TBC1D32: variants seen among roughly 807,000 people sequenced by gnomAD.
The protein encoded by TBC1D32 is TBC1 domain family member 32, also known as protein broad-minded.
In TBC1D32, 151 loss-of-function variants were observed where a neutral mutation model predicts 170.3. The observed-to-expected ratio is 0.89, with a 90% CI of 0.78 to 1.01. The LOEUF (loss-of-function observed/expected upper bound fraction) is 1.01, where lower values mean the gene tolerates loss of function less well. Among genes scored for constraint, TBC1D32 ranks in the 50% least tolerant of loss-of-function variants. TBC1D32 has a pLI of 0.00. For synonymous variants in TBC1D32, 498 were observed against 488.0 expected (o/e 1.02, Z -0.27); for missense variants, 1,464 against 1,457.1 (o/e 1.00, Z -0.08).
intron 22 of TBC1D32, among the ~76,000 whole-genome samples, chr6:121,192,730 G>C (rs1442536970): frequency 1.3e-5 from 2 of 151,970 alleles, no homozygotes; most frequent in Admixed American, 1.3e-4. Flanking sequence ...TGAAGCTGAG[G>C]ACACTGAGTT....
At position 121,308,092 on chromosome 6, in the gene TBC1D32, C is replaced by T. The variant is rs777862010; in HGVS notation, c.574G>A (p.Glu192Lys). The change falls in exon 5 of 32, where the codon GAA becomes AAA. Residue 192 changes from glutamate to lysine, a missense_variant. Physicochemically the swap from Glu to Lys is moderately conservative, Grantham distance 56 (BLOSUM62 1). Transcript: ENST00000398212. ...DPGQPKEVRYEALQTLCSAPP... is the reference protein window; with the variant it reads ...DPGQPKEVRYKALQTLCSAPP... ...GCTGAACATAATGTTTGCAAGGCTT[C>T]ATATCTCACCTACAATTTTTTTAAA... 6.2e-7 allele frequency: 1 copy of T among 1,609,734 alleles called. No individual in the cohort carries two copies. Among genetic ancestry groups the T allele is most frequent in the Non-Finnish European group, 8.5e-7 (1 of 1,179,038 alleles).
intron 1 of TBC1D32, among the ~76,000 whole-genome samples, chr6:121,323,156 C>G (rs1389565380): frequency 2.6e-5 from 4 of 152,170 alleles, no homozygotes; most frequent in Non-Finnish European, 4.4e-5. Context: ...CCCATCCACT[C>G]AATCATATCC....
intron 20 of TBC1D32, among the ~76,000 whole-genome samples, chr6:121,234,758 T>C (rs1796133744): frequency 6.6e-6 from 1 of 152,156 alleles, no homozygotes; most frequent in Non-Finnish European, 1.5e-5. Context: ...GCTGATGAGC[T>C]GGTATGATCA....
intron 21 of TBC1D32, among the ~76,000 whole-genome samples, chr6:121,212,748 A>G (rs2892766): frequency 0.68 from 104,013 of 152,034 alleles, 40,756 homozygotes; most frequent in Non-Finnish European, 0.87. Flanking sequence ...GGTGTGAGCC[A>G]CCGCACCCAG....
At chr6:121,313,274 A>AT (rs1164149264) in intron 3 of TBC1D32, among the ~76,000 whole-genome samples, 6,177 of 125,492 alleles carry the variant, frequency 0.049, 268 homozygotes, top group African/African-American at 0.076. Context: ...CCTGGCCTTA[A>AT]TTTTTTTTTT....
At position 121,280,811 on chromosome 6, in the gene TBC1D32, G is replaced by A. The variant is rs76445765; in HGVS notation, c.1608+733C>T. Reference sequence around the variant, plus strand: ...AAAGCATGTGACAGCCCATTGATGGGTGAACATAAGAGGAAGATGAAAACA... The same window carrying A: ...AAAGCATGTGACAGCCCATTGATGGATGAACATAAGAGGAAGATGAAAACA... On this transcript the variant is annotated intron_variant, in intron 14 of 31. Transcript: ENST00000398212. Among the ~76,000 whole-genome samples, 102 of 151,858 alleles carry A rather than the reference G, an allele frequency of 6.7e-4. No homozygotes were observed. In the East Asian group the frequency reaches 0.012, roughly 18 times the overall value.
intron 22 of TBC1D32, among the ~76,000 whole-genome samples, chr6:121,200,223 TTAAC>T (rs1216032311): frequency 6.6e-6 from 1 of 151,382 alleles, no homozygotes; most frequent in South Asian, 2.1e-4. Flanking sequence ...TAATATATAT[TTAAC>T]TAAGAGTTAC....
chr6:121,162,384 T>C (rs561450071), intron 22 of TBC1D32, among the ~76,000 whole-genome samples: 20 of 152,254 alleles, frequency 1.3e-4, no homozygotes, highest in African/African-American at 4.8e-4. Context: ...GTATACAATG[T>C]AACTGAAGGA....
At chr6:121,175,036 A>T (rs971631609) in intron 22 of TBC1D32, among the ~76,000 whole-genome samples, 1 of 151,710 alleles carries the variant, frequency 6.6e-6, no homozygotes, top group Non-Finnish European at 1.5e-5. Context: ...AAAAAAAAAA[A>T]AACTGATAAG....
chr6:121,161,802 G>A (rs553835780), intron 22 of TBC1D32, among the ~76,000 whole-genome samples: 2 of 152,192 alleles, frequency 1.3e-5, no homozygotes, highest in Non-Finnish European at 2.9e-5. Flanking sequence ...ACTCCCAACA[G>A]TGTAAAAGCA....
intron 25 of TBC1D32, 80 bp from the exon 26 acceptor site, chr6:121,126,541 T>A: frequency 2.0e-6 from 2 of 1,005,778 alleles, no homozygotes; most frequent in Non-Finnish European, 3.0e-6. Flanking sequence ...ACAGAACTAG[T>A]AGGTAAAAGT....
At chr6:121,099,577 G>C (rs1361961857) in intron 30 of TBC1D32, among the ~76,000 whole-genome samples, 1 of 151,838 alleles carries the variant, frequency 6.6e-6, no homozygotes, top group East Asian at 1.9e-4. Context: ...AAAAAGCACT[G>C]CTTCTAATTA....
intron 22 of TBC1D32, among the ~76,000 whole-genome samples, chr6:121,185,031 T>G (rs953103640): frequency 6.6e-6 from 1 of 151,154 alleles, no homozygotes; most frequent in Non-Finnish European, 1.5e-5. Flanking sequence ...CCACCAATCT[T>G]CTCATACTAT....
chr6:121,213,168 C>G (rs1353555077), intron 21 of TBC1D32, among the ~76,000 whole-genome samples: 1 of 152,104 alleles, frequency 6.6e-6, no homozygotes, highest in Non-Finnish European at 1.5e-5. Flanking sequence ...CTCACCATCT[C>G]TATTCAACAT....
chr6:121,115,476 C>T (rs1022217807), intron 26 of TBC1D32: 9 of 346,968 alleles, frequency 2.6e-5, no homozygotes, highest in African/African-American at 1.7e-4. Context: ...AAATACATAA[C>T]AATAGTAGTT....
intron 21 of TBC1D32, among the ~76,000 whole-genome samples, chr6:121,208,157 T>G (rs531453460): frequency 6.6e-6 from 1 of 150,878 alleles, no homozygotes; most frequent in East Asian, 1.9e-4. Flanking sequence ...AACCTGTAAA[T>G]GTCACCCTAT....
intron 8 of TBC1D32, among the ~76,000 whole-genome samples, chr6:121,303,965 T>C (rs1397672144): frequency 1.3e-5 from 2 of 152,102 alleles, no homozygotes; most frequent in Non-Finnish European, 2.9e-5. Context: ...TTAACTTTCC[T>C]TTTCAGACTC....
chr6:121,306,571 CA>C (rs1194201998), intron 5 of TBC1D32, among the ~76,000 whole-genome samples: 1 of 152,006 alleles, frequency 6.6e-6, no homozygotes, highest in Non-Finnish European at 1.5e-5. Context: ...ATTTTAAAGC[CA>C]AAACTATCTT....
intron 12 of TBC1D32, 100 bp from the exon 13 acceptor site, chr6:121,284,010 G>T: frequency 2.4e-6 from 2 of 836,578 alleles, no homozygotes; most frequent in Non-Finnish European, 3.8e-6. Context: ...TTGAGGTTTT[G>T]TACAGACTAC....
Sources: gnomAD v4.1 joint callset for allele counts (sites outside exome capture counted in the v4.1 genomes callset) on GRCh38, gnomAD v4.1.1 for gene constraint, MANE v1.5 for transcripts, NCBI Gene and HGNC (gene_info 2026-07-23, HGNC 2026-07-21) for gene names.